MTMR9: variants seen among roughly 807,000 people sequenced by gnomAD.
MTMR9 encodes myotubularin related protein 9, also known as myotubularin-related protein 9.
MTMR9 carries 39 observed loss-of-function variants against 69.5 expected under a neutral mutation model. That is an observed-to-expected ratio of 0.56 (90% CI 0.43 to 0.73). The LOEUF is 0.73. MTMR9 is among the 30% of genes least tolerant of loss of function. The pLI is 0.00. For synonymous variants in MTMR9, 354 were observed against 240.8 expected (o/e 1.47, Z -4.35); for missense variants, 900 against 671.2 (o/e 1.34, Z -3.77).
rs1337864647 is a variant in MTMR9 at position 11,309,562 on chromosome 8, T to C, written c.845T>C (p.Val282Ala). The C allele has an allele frequency of 3.2e-5, 51 of 1,613,740 alleles. No homozygotes were observed. Among genetic ancestry groups the C allele is most frequent in the Non-Finnish European group, 4.2e-5 (50 of 1,179,826 alleles). ...HILQESLIKL[V>A]EACNDQTHNM... is the part of the protein sequence containing the mutation. Reference sequence around the variant, plus strand: ...CTTCAGGAGAGCTTAATCAAACTTGTGGAAGCTTGTAATGACCAAACACAT... The same window carrying C: ...CTTCAGGAGAGCTTAATCAAACTTGCGGAAGCTTGTAATGACCAAACACAT... The change falls in exon 6 of 10, where the codon GTG becomes GCG. Residue 282 changes from valine (V) to alanine (A), a missense_variant. Coordinates refer to ENST00000221086, the MANE Select transcript of MTMR9 (RefSeq NM_015458.4).
chr8:11,330,605 C>A (rs1388517581), downstream of MTMR9, among the ~76,000 whole-genome samples: 1 of 152,204 alleles, frequency 6.6e-6, no homozygotes, highest in African/African-American at 2.4e-5. Flanking sequence ...TACTGTTGAT[C>A]TGTGACCTTG....
intron 1 of MTMR9, among the ~76,000 whole-genome samples, chr8:11,291,943 G>C (rs1799391453): frequency 6.6e-6 from 1 of 152,068 alleles, no homozygotes; most frequent in Non-Finnish European, 1.5e-5. Context: ...TGTAAACTTT[G>C]ATGTGTGTTG....
At chr8:11,334,898 C>G in the MTMR9 span, among the ~76,000 whole-genome samples, 1 of 152,156 alleles carries the variant, frequency 6.6e-6, no homozygotes, top group African/African-American at 2.4e-5. Flanking sequence ...AAACTTTATG[C>G]TAAAACTCTT....
the MTMR9 span, among the ~76,000 whole-genome samples, chr8:11,335,189 A>T: frequency 6.6e-6 from 1 of 152,238 alleles, no homozygotes; most frequent in Non-Finnish European, 1.5e-5. Flanking sequence ...AGCAACCATA[A>T]TCTCCTAGAA....
Position 11,323,604 on chromosome 8 carries a change from C to G in MTMR9, c.*816C>G, listed in dbSNP as rs1333849397. ...GCTGCTTGTAAAATTAAACCATCAT[C>G]TAGAATAGAGTTAATTTATTATAAT... On this transcript the variant is annotated 3_prime_UTR_variant, in exon 10 of 10. Coordinates refer to ENST00000221086, the MANE Select transcript of MTMR9 (RefSeq NM_015458.4). 6.6e-6 allele frequency: 1 copy of G among 152,166 alleles called. No individual in the cohort carries two copies. The highest frequency in any genetic ancestry group is 6.5e-5 in the Admixed American group (1 of 15,274). 9.4% of individuals were successfully genotyped at this position (152,166 alleles called of 1,614,324 possible). A position where few individuals can be genotyped will look rare whatever the true frequency, so the allele number is the denominator to read the frequency against.
chr8:11,285,839 A>G (rs1234325593), intron 1 of MTMR9, among the ~76,000 whole-genome samples: 1 of 152,206 alleles, frequency 6.6e-6, no homozygotes, highest in Non-Finnish European at 1.5e-5. Context: ...TTTACACAGA[A>G]GTATAAATGA....
chr8:11,331,770 G>T, downstream of MTMR9: 1 of 1,611,730 alleles, frequency 6.2e-7, no homozygotes, highest in Non-Finnish European at 8.5e-7. Context: ...CCTCCCAACA[G>T]TGGCCTTCCT....
At chr8:11,293,845 C>G (rs951767229) in intron 1 of MTMR9, among the ~76,000 whole-genome samples, 8 of 150,028 alleles carry the variant, frequency 5.3e-5, no homozygotes, top group African/African-American at 1.9e-4. Flanking sequence ...GTCTTCGTAT[C>G]TCTGTTCACG....
At chr8:11,329,331 C>A (rs1313168747), downstream of MTMR9, among the ~76,000 whole-genome samples, 1 of 152,234 alleles carries the variant, frequency 6.6e-6, no homozygotes, top group African/African-American at 2.4e-5. Context: ...AGTTCCCTCT[C>A]CCTCTCTTTC....
chr8:11,308,949 C>T (rs1800077589), intron 5 of MTMR9, among the ~76,000 whole-genome samples: 1 of 152,172 alleles, frequency 6.6e-6, no homozygotes, highest in African/African-American at 2.4e-5. Flanking sequence ...CTACACTGAA[C>T]AGATTTGCTA....
chr8:11,300,910 C>T (rs1013385394), intron 3 of MTMR9: 3 of 152,140 alleles, frequency 2.0e-5, no homozygotes, highest in African/African-American at 4.8e-5. Flanking sequence ...TTGTGAAAGA[C>T]CATTAGATAG....
chr8:11,313,247 T>A (rs1198547644), intron 6 of MTMR9, among the ~76,000 whole-genome samples: 1 of 152,224 alleles, frequency 6.6e-6, no homozygotes, highest in Non-Finnish European at 1.5e-5. Flanking sequence ...TCAGCCTTCA[T>A]AGAACTTTGT....
the MTMR9 span, among the ~76,000 whole-genome samples, chr8:11,336,447 C>A: frequency 1.3e-5 from 2 of 152,110 alleles, no homozygotes; most frequent in African/African-American, 2.4e-5. Context: ...ACATTCACAC[C>A]GAAATATAAA....
At chr8:11,316,613 G>A in intron 7 of MTMR9, 60 bp from the exon 8 acceptor site, 2 of 1,133,858 alleles carry the variant, frequency 1.8e-6, no homozygotes, top group Non-Finnish European at 2.5e-6. Context: ...GGTGTCGGTA[G>A]AATGCTCTGT....
intron 1 of MTMR9, among the ~76,000 whole-genome samples, chr8:11,289,173 A>AAAACAAAC (rs374746072): frequency 6.6e-6 from 1 of 152,120 alleles, no homozygotes; most frequent in Non-Finnish European, 1.5e-5. Context: ...TCTCTGTCTC[A>AAAACAAAC]AAACAAACAA....
Position 11,306,285 on chromosome 8 carries a change from G to A in MTMR9, c.687G>A (p.Lys229=). 1.9e-6 allele frequency: 3 copies of A among 1,614,124 alleles called. No individual in the cohort carries two copies. Among genetic ancestry groups the A allele is most frequent in the Non-Finnish European group, 2.5e-6 (3 of 1,179,976 alleles). The change falls in exon 5 of 10, where the codon AAG becomes AAA. Residue 229 remains lysine (K), a synonymous_variant. Transcript: ENST00000221086. Reference sequence around the variant, plus strand: ...TAAATGCTACCCTCAGGGCTGGAAAGCGTGGCTACATCATTGACACCCGAT... The same window carrying A: ...TAAATGCTACCCTCAGGGCTGGAAAACGTGGCTACATCATTGACACCCGAT... ...KLINATLRAG[K]RGYIIDTRSL... is the part of the protein sequence containing the mutation.
intron 1 of MTMR9, among the ~76,000 whole-genome samples, chr8:11,291,846 A>G (rs186720738): frequency 6.6e-6 from 1 of 152,194 alleles, no homozygotes; most frequent in Admixed American, 6.5e-5. Context: ...TGTGTCTTTC[A>G]CTTCCAGCTG....
chr8:11,331,851 G>A (rs1280141016), downstream of MTMR9: 11 of 1,611,900 alleles, frequency 6.8e-6, no homozygotes, highest in Non-Finnish European at 9.3e-6. Flanking sequence ...GTTGCCCAGT[G>A]ACCTCCTGAG....
intron 3 of MTMR9, 125 bp downstream of exon 3, chr8:11,300,273 T>C: frequency 9.4e-7 from 1 of 1,065,746 alleles, no homozygotes. Context: ...CTAATCTTAA[T>C]ATATTTAAAA....
Sources: allele counts gnomAD v4.1 joint callset (sites outside exome capture counted in the v4.1 genomes callset), GRCh38; gene constraint gnomAD v4.1.1; transcripts MANE v1.5; gene names NCBI Gene and HGNC (gene_info 2026-07-23, HGNC 2026-07-21).